Variants in TBRG1 observed in about 807,000 individuals in gnomAD.
TBRG1 encodes transforming growth factor beta regulator 1, also known as nuclear interactor of ARF and MDM2.
In TBRG1, 31 loss-of-function variants were observed where a neutral mutation model predicts 44.0. The observed-to-expected ratio is 0.70, with a 90% CI of 0.53 to 0.95. TBRG1 has a LOEUF of 0.95. TBRG1 is among the 40% of genes least tolerant of loss of function. The pLI, the probability that TBRG1 is intolerant of heterozygous loss-of-function variation, is 0.00. For missense variants in TBRG1, 487 were observed against 496.1 expected, an observed-to-expected ratio of 0.98 and a Z score of 0.18; for synonymous variants, 171 against 188.1, an observed-to-expected ratio of 0.91 and a Z score of 0.74.
In TBRG1 at chr11:124,630,808, C is replaced by T; in HGVS notation, c.900C>T (p.Ala300=). Residue 300 remains alanine (A), a synonymous_variant, in exon 7 of 9, where the codon GCC becomes GCT. Coordinates refer to ENST00000441174, the MANE Select transcript of TBRG1 (RefSeq NM_032811.3). ...GADFFGFSHP[A]IHNLIQSCPG... ...ACTTTTTTGGATTTTCTCATCCAGCCATCCACAACCTGATCCAGAGCTGTC... is the reference window on the plus strand; with the variant it reads ...ACTTTTTTGGATTTTCTCATCCAGCTATCCACAACCTGATCCAGAGCTGTC... The T allele has an allele frequency of 6.2e-7, 1 of 1,606,424 alleles. No individual in the cohort carries two copies. The highest frequency in any genetic ancestry group is 1.1e-5 in the South Asian group (1 of 89,028).
At chr11:124,628,326 C>G (rs1279597438) in intron 5 of TBRG1, among the ~76,000 whole-genome samples, 1 of 150,078 alleles carries the variant, frequency 6.7e-6, no homozygotes, top group Non-Finnish European at 1.5e-5. Flanking sequence ...GATGAAAAGG[C>G]TTTCTTTAGC....
At chr11:124,631,086 G>C in intron 7 of TBRG1, 189 bp from the exon 8 acceptor site, 2 of 650,040 alleles carry the variant, frequency 3.1e-6, no homozygotes, top group Non-Finnish European at 2.6e-6. Context: ...CAAAAGGGGT[G>C]GGAAATCTAG....
At chr11:124,630,679 C>G in intron 6 of TBRG1, 66 bp from the exon 7 acceptor site, 1 of 1,224,252 alleles carries the variant, frequency 8.2e-7, no homozygotes, top group South Asian at 1.3e-5. Flanking sequence ...TACCACTATT[C>G]TGTTCTTAAA....
rs1157508505 is a variant in TBRG1 at position 124,635,615 on chromosome 11, T to TATC, written c.*3378_*3380dup. ...CATATGATTTCATTAATATATTCAC[T>TATC]ATCTAAACCATATTTTTTACACTAC... On this transcript the variant is annotated 3_prime_UTR_variant, in exon 9 of 9. Coordinates refer to ENST00000441174, the MANE Select transcript of TBRG1 (RefSeq NM_032811.3). 6.6e-6 allele frequency: 1 copy of TATC among 152,246 alleles called. No homozygotes were observed. The highest frequency in any genetic ancestry group is 2.4e-5 in the African/African-American group (1 of 41,470). The allele number at this position is 152,246 out of a possible 1,614,324, so 9.4% of individuals were successfully genotyped here.
rs1333815124 is a variant in TBRG1, at chr11:124,635,500, T to A, written c.*3262T>A. ...ACCCTACAGAGTATTATAAATTTCA[T>A]TTTCACACAGTAAAAAGTTCCTAAA... On this transcript the variant is annotated 3_prime_UTR_variant, in exon 9 of 9. Coordinates refer to ENST00000441174, the MANE Select transcript of TBRG1 (RefSeq NM_032811.3). 2.0e-5 allele frequency: 3 copies of A among 152,152 alleles called. No individual in the cohort carries two copies. The highest frequency in any genetic ancestry group is 4.4e-5 in the Non-Finnish European group (3 of 68,030). The allele number at this position is 152,152 out of a possible 1,614,324, so 9.4% of individuals were successfully genotyped here.
At chr11:124,623,398 C>T (rs1048249583) in intron 1 of TBRG1, 165 bp downstream of exon 1, 1 of 775,106 alleles carries the variant, frequency 1.3e-6, no homozygotes, top group East Asian at 2.7e-5. Flanking sequence ...TACGTAATTT[C>T]TCTGTGTCCT....
chr11:124,628,959 T>C (rs1942548246), intron 5 of TBRG1, among the ~76,000 whole-genome samples: 1 of 152,140 alleles, frequency 6.6e-6, no homozygotes, highest in Admixed American at 6.5e-5. Flanking sequence ...AATGGTTAAG[T>C]AAAATATATC....
intron 8 of TBRG1, chr11:124,631,641 G>C: frequency 1.7e-6 from 1 of 576,278 alleles, no homozygotes; most frequent in Admixed American, 3.2e-5. Context: ...AGTAAGGCAG[G>C]GTACCCCAGA....
chr11:124,629,223 C>G (rs4936948), intron 5 of TBRG1, among the ~76,000 whole-genome samples: 6,259 of 152,212 alleles, frequency 0.041, 516 homozygotes, highest in East Asian at 0.35. Flanking sequence ...CCTGTAGTCC[C>G]AGCTGCTGGG....
In TBRG1 at chr11:124,626,886, G is replaced by C; in HGVS notation, c.592-18G>C. The C allele has an allele frequency of 6.3e-7, 1 of 1,599,846 alleles. No homozygotes were observed. Among genetic ancestry groups the C allele is most frequent in the Non-Finnish European group, 8.5e-7 (1 of 1,172,416 alleles). On this transcript the variant is annotated intron_variant, in intron 4 of 8. Coordinates refer to ENST00000441174, the MANE Select transcript of TBRG1 (RefSeq NM_032811.3). ...CTTCAGTGACCTCAATCCCAGGTTG[G>C]GGGAATGTTTTTTATAGATCATCAC...
In TBRG1 at chr11:124,635,373, A is replaced by C. The variant is rs1007370228; in HGVS notation, c.*3135A>C. On this transcript the variant is annotated 3_prime_UTR_variant, in exon 9 of 9. Coordinates refer to ENST00000441174, the MANE Select transcript of TBRG1 (RefSeq NM_032811.3). ...TGTAGATTTTTTGTTTTTTAACTAA[A>C]TAAAATCTTGGCACTGACAAAGTTA... is the stretch of plus-strand genomic sequence containing the variant. 6.6e-6 allele frequency: 1 copy of C among 152,162 alleles called. No individual in the cohort carries two copies. The highest frequency in any genetic ancestry group is 2.4e-5 in the African/African-American group (1 of 41,418). The allele number at this position is 152,162 out of a possible 1,614,324, so 9.4% of individuals were successfully genotyped here.
At chr11:124,631,062 A>G in intron 7 of TBRG1, 1 of 634,552 alleles carries the variant, frequency 1.6e-6, no homozygotes, top group Non-Finnish European at 2.7e-6. Flanking sequence ...TATTTTCTGT[A>G]TGTACCATGA....
In TBRG1 at chr11:124,633,658, T is replaced by G. The variant is rs1942657417; in HGVS notation, c.*1420T>G. On this transcript the variant is annotated 3_prime_UTR_variant, in exon 9 of 9. Coordinates refer to ENST00000441174, the MANE Select transcript of TBRG1 (RefSeq NM_032811.3). ...GTATTTTATGATTTTGAGTATAGTC[T>G]TTTTATAAGTTGTATACACTTTACA... The G allele has an allele frequency of 6.6e-6, 1 of 152,256 alleles. No individual in the cohort carries two copies. The highest frequency in any genetic ancestry group is 1.5e-5 in the Non-Finnish European group (1 of 68,046). 9.4% of individuals were successfully genotyped at this position (152,256 alleles called of 1,614,324 possible).
chr11:124,623,773 CT>C (rs1442531404), intron 1 of TBRG1, among the ~76,000 whole-genome samples: 2 of 152,214 alleles, frequency 1.3e-5, no homozygotes, highest in African/African-American at 4.8e-5. Flanking sequence ...AATTTCCCCC[CT>C]CTAACCTTTG....
rs1271005759 is a variant in TBRG1 at position 124,626,520 on chromosome 11, A to G, written c.502A>G (p.Lys168Glu). 2 of 1,550,358 alleles carry G rather than the reference A, an allele frequency of 1.3e-6. No individual in the cohort carries two copies. Among genetic ancestry groups the G allele is most frequent in the Non-Finnish European group, 1.7e-6 (2 of 1,146,378 alleles). Residue 168 changes from lysine (K) to glutamate (E), a missense_variant, in exon 4 of 9, where the codon AAG becomes GAG. Physicochemically the swap from Lys to Glu is moderately conservative, Grantham distance 56. Transcript: ENST00000441174. ...KKKKMAGGAR[K>E]LVQPIALDPS... ...AAAGAAAATGGCGGGAGGTGCTCGC[A>G]AGCTGGTTCAGCCCATTGCCCTGGA...
intron 4 of TBRG1, 100 bp downstream of exon 4, chr11:124,626,709 A>T (rs1480755822): frequency 6.8e-7 from 1 of 1,461,460 alleles, no homozygotes; most frequent in Admixed American, 2.0e-5. Context: ...CCTCTTGCTG[A>T]TCCATACCAA....
In TBRG1 at chr11:124,622,897, G is replaced by C. The variant is rs750772284; in HGVS notation, c.-187G>C. 3 of 605,444 alleles carry C rather than the reference G, an allele frequency of 5.0e-6. No individual in the cohort carries two copies. The highest frequency in any genetic ancestry group is 3.0e-5 in the East Asian group (1 of 33,448). 37.5% of individuals were successfully genotyped at this position (605,444 alleles called of 1,614,324 possible). ...GACAGACACGGAAGTGCTGGGAGGCGCCGGGAGCCCGTTCGGTTGCGGGTG... is the reference window on the plus strand; with the variant it reads ...GACAGACACGGAAGTGCTGGGAGGCCCCGGGAGCCCGTTCGGTTGCGGGTG... On this transcript the variant is annotated 5_prime_UTR_variant, in exon 1 of 9. Coordinates refer to ENST00000441174, the MANE Select transcript of TBRG1 (RefSeq NM_032811.3).
intron 5 of TBRG1, chr11:124,630,152 C>T (rs766132691): frequency 1.4e-5 from 6 of 433,384 alleles, no homozygotes; most frequent in Non-Finnish European, 2.2e-5. Flanking sequence ...AAATTAAACG[C>T]TCACTTTTGG....
chr11:124,630,517 A>T, intron 6 of TBRG1, 32 bp downstream of exon 6: 1 of 1,477,768 alleles, frequency 6.8e-7, no homozygotes, highest in Non-Finnish European at 9.5e-7. Flanking sequence ...AAACAGGCTA[A>T]AAGATCACTG....
Sources: allele counts gnomAD v4.1 joint callset (sites outside exome capture counted in the v4.1 genomes callset), GRCh38; gene constraint gnomAD v4.1.1; transcripts MANE v1.5; gene names NCBI Gene and HGNC (gene_info 2026-07-23, HGNC 2026-07-21).